The following FOCAD variants were observed in gnomAD, a reference collection of about 807,000 sequenced individuals.
FOCAD encodes KIAA1797.
In FOCAD, 198 loss-of-function variants were observed where a neutral mutation model predicts 225.6. The observed-to-expected ratio is 0.88, with a 90% CI of 0.78 to 0.99. The LOEUF is 0.99. Ranked by LOEUF, FOCAD falls within the 50% of genes least tolerant of loss-of-function variation. FOCAD has a pLI of 0.00. For missense variants in FOCAD, 2,713 were observed against 2,123.6 expected (o/e 1.28, Z -5.46); for synonymous variants, 897 against 755.0 (o/e 1.19, Z -3.08).
intron 28 of FOCAD, among the ~76,000 whole-genome samples, chr9:20,942,128 T>C (rs1324973785): frequency 6.6e-6 from 1 of 152,216 alleles, no homozygotes; most frequent in Non-Finnish European, 1.5e-5. Flanking sequence ...ACATACACTG[T>C]TATATATTCA....
intron 15 of FOCAD, among the ~76,000 whole-genome samples, chr9:20,826,033 T>C (rs1824853944): frequency 6.6e-6 from 1 of 152,124 alleles, no homozygotes. Context: ...TTTGGGAATT[T>C]ACAAGTTTGT....
intron 2 of FOCAD, among the ~76,000 whole-genome samples, chr9:20,675,237 G>C (rs1163056983): frequency 6.6e-6 from 1 of 152,204 alleles, no homozygotes; most frequent in East Asian, 1.9e-4. Flanking sequence ...GCAAACTATA[G>C]TCTGTGGGTC....
intron 8 of FOCAD, among the ~76,000 whole-genome samples, chr9:20,771,610 A>T (rs2131015069): frequency 6.6e-6 from 1 of 152,256 alleles, no homozygotes; most frequent in East Asian, 1.9e-4. Flanking sequence ...AATACAAAAA[A>T]TTAGCTGGGT....
intron 31 of FOCAD, 31 bp downstream of exon 31, chr9:20,948,424 A>G (rs1197035790): frequency 4.4e-6 from 7 of 1,596,888 alleles, no homozygotes; most frequent in African/African-American, 1.3e-5. Flanking sequence ...GCTATTTCAT[A>G]TTTTTATAAT....
intron 2 of FOCAD, among the ~76,000 whole-genome samples, chr9:20,673,143 A>G (rs981087665): frequency 1.3e-5 from 2 of 152,202 alleles, no homozygotes; most frequent in Non-Finnish European, 2.9e-5. Context: ...ATAGACAGAA[A>G]TGGAAGAGGA....
chr9:20,898,254 T>G (rs1418536703), intron 21 of FOCAD, among the ~76,000 whole-genome samples: 1 of 151,858 alleles, frequency 6.6e-6, no homozygotes, highest in Non-Finnish European at 1.5e-5. Context: ...CTGAGCCTCC[T>G]ATAACTGTGG....
chr9:20,823,093 T>G lies in FOCAD; in HGVS notation c.1898T>G (p.Leu633Arg), dbSNP rs1205810684. The G allele has an allele frequency of 1.9e-6, 3 of 1,606,628 alleles. No individual in the cohort carries two copies. Among genetic ancestry groups the G allele is most frequent in the Non-Finnish European group, 1.7e-6 (2 of 1,177,330 alleles). The change falls in exon 15 of 44, where the codon CTT (leucine) becomes CGT (arginine). Residue 633 changes from leucine (L) to arginine (R), a missense_variant. Transcript: ENST00000338382. ...CCAGCAGCCTTGGTATTACAGGGTC[T>G]TCATGCACTCTGTCAAGCTGAGGTA... The part of the protein sequence containing the change: ...ATPAALVLQG[L>R]HALCQAEVVC...
chr9:20,989,977 C>T (rs1443133043), intron 41 of FOCAD, 146 bp from the exon 42 acceptor site: 1 of 827,920 alleles, frequency 1.2e-6, no homozygotes, highest in South Asian at 1.7e-5. Context: ...AGTTCAGTTC[C>T]TCTTCTGGGT....
intron 4 of FOCAD, among the ~76,000 whole-genome samples, chr9:20,723,624 A>G (rs1174002991): frequency 1.3e-5 from 2 of 152,240 alleles, no homozygotes; most frequent in Non-Finnish European, 2.9e-5. Context: ...AGTAGGTCTT[A>G]TTATATTCTA....
In FOCAD at chr9:20,885,195, A is replaced by C; in HGVS notation, c.2590A>C (p.Ser864Arg). Residue 864 changes from serine to arginine, a missense_variant, in exon 21 of 44, where the codon AGT (serine) becomes CGT (arginine). Transcript: ENST00000338382. ...LNRLMASRGR[S>R]FKQTSLALVH... ...CAGACTGATGGCCAGCAGAGGGCGA[A>C]GTTTCAAGCAGACTTCACTTGCTCT... 1 of 1,538,660 alleles carries C rather than the reference A, an allele frequency of 6.5e-7. No individual in the cohort carries two copies. Among genetic ancestry groups the C allele is most frequent in the Non-Finnish European group, 8.8e-7 (1 of 1,139,898 alleles).
intron 21 of FOCAD, among the ~76,000 whole-genome samples, chr9:20,892,180 A>G (rs1284595628): frequency 1.3e-5 from 2 of 152,180 alleles, no homozygotes; most frequent in African/African-American, 4.8e-5. Context: ...TAGTCACCCA[A>G]TAGGTCTGAT....
chr9:20,982,412 A>T lies in FOCAD; in HGVS notation c.4694A>T (p.Asp1565Val). The change falls in exon 39 of 44, where the codon GAT becomes GTT. Residue 1565 changes from aspartate (D) to valine (V), a missense_variant. Coordinates refer to ENST00000338382, the MANE Select transcript of FOCAD (RefSeq NM_001375567.1). ...SIAKCLLEMT[D>V]DDANRIAQVT... The stretch of plus-strand genomic sequence containing the variant: ...GCAAAATGCCTCTTAGAAATGACAG[A>T]TGATGATGCCAATCGGATCGCCCAG... 7 of 1,613,934 alleles carry T rather than the reference A, an allele frequency of 4.3e-6. No homozygotes were observed. The highest frequency in any genetic ancestry group is 5.9e-6 in the Non-Finnish European group (7 of 1,179,870).
chr9:20,929,704 T>G, intron 27 of FOCAD, 108 bp downstream of exon 27: 1 of 862,888 alleles, frequency 1.2e-6, no homozygotes, highest in South Asian at 1.7e-5. Context: ...AATATGTGTT[T>G]GCTAAACTTT....
At chr9:20,893,017 T>C (rs963223622) in intron 21 of FOCAD, among the ~76,000 whole-genome samples, 1 of 151,774 alleles carries the variant, frequency 6.6e-6, no homozygotes, top group African/African-American at 2.4e-5. Flanking sequence ...GTCAAATATT[T>C]AAAAAAAAAT....
intron 3 of FOCAD, among the ~76,000 whole-genome samples, chr9:20,718,390 T>C (rs2131531140): frequency 6.6e-6 from 1 of 152,324 alleles, no homozygotes; most frequent in Non-Finnish European, 1.5e-5. Flanking sequence ...TGAGATACAC[T>C]TGGGGTTTGG....
intron 10 of FOCAD, among the ~76,000 whole-genome samples, chr9:20,788,865 C>G (rs1020236336): frequency 2.0e-5 from 3 of 152,218 alleles, no homozygotes; most frequent in African/African-American, 7.2e-5. Flanking sequence ...CAGGCTCCAG[C>G]TGAACCAACT....
intron 39 of FOCAD, among the ~76,000 whole-genome samples, chr9:20,983,345 G>A (rs1028928409): frequency 1.7e-4 from 26 of 152,184 alleles, no homozygotes; most frequent in African/African-American, 4.8e-4. Flanking sequence ...AGGCCGAGGC[G>A]GGTGGATCAT....
At chr9:20,825,801 A>G (rs1824828507) in intron 15 of FOCAD, among the ~76,000 whole-genome samples, 2 of 152,100 alleles carry the variant, frequency 1.3e-5, no homozygotes, top group African/African-American at 4.8e-5. Flanking sequence ...TATCCTAGAC[A>G]TCAATCAAAG....
intron 21 of FOCAD, among the ~76,000 whole-genome samples, chr9:20,901,230 G>C (rs985379385): frequency 1.4e-5 from 2 of 146,324 alleles, no homozygotes; most frequent in African/African-American, 2.6e-5. Context: ...GTGTGTGTGT[G>C]TGTCTCATAA....
Sources: gnomAD v4.1 joint callset for allele counts (sites outside exome capture counted in the v4.1 genomes callset) on GRCh38, gnomAD v4.1.1 for gene constraint, MANE v1.5 for transcripts, NCBI Gene and HGNC (gene_info 2026-07-23, HGNC 2026-07-21) for gene names.